GRID1: variants seen among roughly 807,000 people sequenced by gnomAD.
The protein encoded by GRID1 is glutamate ionotropic receptor delta type subunit 1.
GRID1 carries 28 observed loss-of-function variants against 98.0 expected under a neutral mutation model. That is an observed-to-expected ratio of 0.29 (90% CI 0.21 to 0.39). The LOEUF is 0.39. Among genes scored for constraint, GRID1 ranks in the 10% least tolerant of loss-of-function variants. The pLI is 1.00. For missense variants in GRID1, 1,111 were observed against 1,340.5 expected (o/e 0.83, Z 2.67); for synonymous variants, 553 against 538.5 (o/e 1.03, Z -0.37).
chr10:85,853,859 A>G (rs1417199013), intron 8 of GRID1, among the ~76,000 whole-genome samples: 1 of 152,192 alleles, frequency 6.6e-6, no homozygotes, highest in Non-Finnish European at 1.5e-5. Flanking sequence ...CACTATCCAC[A>G]GTCCTGAAAA....
chr10:85,633,965 A>C (rs1850830143), intron 13 of GRID1, among the ~76,000 whole-genome samples: 2 of 152,140 alleles, frequency 1.3e-5, no homozygotes, highest in African/African-American at 4.8e-5. Flanking sequence ...TGAGGTCAGG[A>C]GTTCAAGATC....
At chr10:85,740,666 T>G (rs1841933616) in intron 8 of GRID1, among the ~76,000 whole-genome samples, 1 of 152,096 alleles carries the variant, frequency 6.6e-6, no homozygotes, top group Admixed American at 6.6e-5. Flanking sequence ...CTCCCTTGGG[T>G]GAGCCCATGA....
At chr10:86,210,695 C>A (rs1444619809) in intron 2 of GRID1, among the ~76,000 whole-genome samples, 1 of 152,240 alleles carries the variant, frequency 6.6e-6, no homozygotes, top group African/African-American at 2.4e-5. Flanking sequence ...GTAATTAAGG[C>A]TGGAAGCCTC....
chr10:85,696,063 T>C (rs933844657), intron 12 of GRID1, among the ~76,000 whole-genome samples: 1 of 152,154 alleles, frequency 6.6e-6, no homozygotes, highest in African/African-American at 2.4e-5. Context: ...ATATGGACCA[T>C]AAAGCACAAG....
intron 4 of GRID1, among the ~76,000 whole-genome samples, chr10:86,136,131 TGCTCAAGAA>T (rs1332963440): frequency 1.3e-5 from 2 of 152,242 alleles, no homozygotes; most frequent in Non-Finnish European, 2.9e-5. Flanking sequence ...TGGGTCAGTC[TGCTCAAGAA>T]GCCCATGCAA....
intron 8 of GRID1, among the ~76,000 whole-genome samples, chr10:85,745,955 A>G (rs142775952): frequency 1.6e-3 from 240 of 152,326 alleles, no homozygotes; most frequent in Admixed American, 4.0e-3. Context: ...GTTTTAATTG[A>G]GGAGTTAACG....
chr10:86,037,622 C>A (rs1843285024), intron 4 of GRID1, among the ~76,000 whole-genome samples: 1 of 152,132 alleles, frequency 6.6e-6, no homozygotes, highest in Admixed American at 6.5e-5. Context: ...TCCCTTTCCC[C>A]AGGGACAGGC....
chr10:85,742,189 T>C (rs1841950635), intron 8 of GRID1, among the ~76,000 whole-genome samples: 1 of 152,204 alleles, frequency 6.6e-6, no homozygotes, highest in African/African-American at 2.4e-5. Context: ...ACTTAACAAA[T>C]TATTTGTTGA....
chr10:86,126,885 CT>C (rs1200783775), intron 4 of GRID1, among the ~76,000 whole-genome samples: 1 of 152,220 alleles, frequency 6.6e-6, no homozygotes, highest in Non-Finnish European at 1.5e-5. Flanking sequence ...ACTCTCAGTT[CT>C]TACAGCCCAC....
At chr10:86,342,311 GC>G (rs950264706) in intron 2 of GRID1, among the ~76,000 whole-genome samples, 5 of 152,168 alleles carry the variant, frequency 3.3e-5, no homozygotes, top group African/African-American at 9.7e-5. Context: ...ACACAGCAGT[GC>G]TGGGCCAGCC....
At chr10:85,850,815 T>C (rs1440484585) in intron 8 of GRID1, among the ~76,000 whole-genome samples, 2 of 152,162 alleles carry the variant, frequency 1.3e-5, no homozygotes, top group Admixed American at 1.3e-4. Context: ...CCTGTAACTT[T>C]CCTCTGAAGA....
chr10:85,796,566 T>G (rs370416783), intron 8 of GRID1, among the ~76,000 whole-genome samples: 1 of 152,138 alleles, frequency 6.6e-6, no homozygotes, highest in East Asian at 1.9e-4. Flanking sequence ...AAAAGTGGCT[T>G]GCTTGGAAAA....
intron 2 of GRID1, among the ~76,000 whole-genome samples, chr10:86,224,421 G>A (rs1846308555): frequency 6.6e-6 from 1 of 152,182 alleles, no homozygotes. Flanking sequence ...AGTCCCCAGA[G>A]GAGAACACAA....
intron 2 of GRID1, among the ~76,000 whole-genome samples, chr10:86,348,458 G>A (rs754214444): frequency 6.6e-6 from 1 of 152,230 alleles, no homozygotes; most frequent in African/African-American, 2.4e-5. Flanking sequence ...GAGGCAACCA[G>A]GAGAGAGCAG....
rs73334799 is a variant in GRID1 at position 85,845,677 on chromosome 10, C to T, written c.1233+8819G>A. 5.7e-3 allele frequency among the ~76,000 whole-genome samples: 871 copies of T among 152,312 alleles called. 8 individuals are homozygous for T. Among genetic ancestry groups the T allele is most frequent in the African/African-American group, 0.02 (813 of 41,554 alleles). On this transcript the variant is annotated intron_variant, in intron 8 of 15. Coordinates refer to ENST00000327946, the MANE Select transcript of GRID1 (RefSeq NM_017551.3). ...CCCTGTGGCCCTGTCTAGTGTGCTT[C>T]GCATGCCCCTCTGGGGAACTGTAAC... is the stretch of plus-strand genomic sequence containing the variant.
chr10:85,606,710 T>C (rs1437578042), intron 15 of GRID1: 1 of 152,208 alleles, frequency 6.6e-6, no homozygotes, highest in Non-Finnish European at 1.5e-5. Flanking sequence ...CATGTCTGTC[T>C]GTTCCTTCTG....
At chr10:85,724,782 G>T (rs767361783) in intron 10 of GRID1, 106 bp from the exon 11 acceptor site, 61 of 821,940 alleles carry the variant, frequency 7.4e-5, no homozygotes, top group Non-Finnish European at 1.1e-4. Context: ...CTGTTCAGAG[G>T]AATGGATTTG....
intron 8 of GRID1, among the ~76,000 whole-genome samples, chr10:85,851,419 G>C (rs1014644981): frequency 1.3e-5 from 2 of 152,104 alleles, no homozygotes; most frequent in Admixed American, 6.5e-5. Context: ...CGCACTTCCT[G>C]GATGAGATAA....
chr10:85,925,900 T>C (rs1841767908), intron 4 of GRID1, among the ~76,000 whole-genome samples: 1 of 152,198 alleles, frequency 6.6e-6, no homozygotes, highest in Non-Finnish European at 1.5e-5. Flanking sequence ...TCAAATTCCT[T>C]CCCTCAACCC....
Sources: allele counts gnomAD v4.1 joint callset (sites outside exome capture counted in the v4.1 genomes callset), GRCh38; gene constraint gnomAD v4.1.1; transcripts MANE v1.5; gene names NCBI Gene and HGNC (gene_info 2026-07-23, HGNC 2026-07-21).